LRRIQ1: variants seen among roughly 807,000 people sequenced by gnomAD.
The protein encoded by LRRIQ1 is leucine-rich repeat- and IQ domain-containing protein 1.
LRRIQ1 carries 210 observed loss-of-function variants against 211.9 expected under a neutral mutation model. That is an observed-to-expected ratio of 0.99 (90% confidence interval 0.89 to 1.11). The LOEUF is 1.11. Ranked by LOEUF, LRRIQ1 falls within the 50% of genes most tolerant of loss-of-function variation. The probability of loss-of-function intolerance (pLI) is 0.00; values close to 1 mark genes in which losing one functional copy is unlikely to be tolerated. For missense variants in LRRIQ1, 2,136 were observed against 1,939.5 expected, an observed-to-expected ratio of 1.10 and a Z score of -1.90; for synonymous variants, 699 against 650.1, an observed-to-expected ratio of 1.08 and a Z score of -1.14.
chr12:85,230,557 G>T (rs1280355686), intron 25 of LRRIQ1, among the ~76,000 whole-genome samples: 2 of 152,032 alleles, frequency 1.3e-5, no homozygotes, highest in Admixed American at 6.6e-5. Flanking sequence ...AGGTACTAGG[G>T]GTTAGAACTT....
At chr12:85,143,664 G>A (rs1291287965) in intron 19 of LRRIQ1, among the ~76,000 whole-genome samples, 1 of 151,138 alleles carries the variant, frequency 6.6e-6, no homozygotes. Flanking sequence ...TTCTTATTTT[G>A]TTATTCTATT....
intron 15 of LRRIQ1, among the ~76,000 whole-genome samples, chr12:85,120,426 A>T (rs1231663645): frequency 6.6e-6 from 1 of 152,204 alleles, no homozygotes; most frequent in African/African-American, 2.4e-5. Context: ...TGTCTCTACT[A>T]CTATAGCTTC....
intron 25 of LRRIQ1, among the ~76,000 whole-genome samples, chr12:85,231,881 G>A (rs997173973): frequency 1.3e-5 from 2 of 152,094 alleles, no homozygotes; most frequent in African/African-American, 4.8e-5. Flanking sequence ...ATTTCAACAT[G>A]AGTTTTGGTG....
intron 10 of LRRIQ1, among the ~76,000 whole-genome samples, chr12:85,071,702 G>T (rs1883100207): frequency 6.6e-6 from 1 of 152,016 alleles, no homozygotes; most frequent in African/African-American, 2.4e-5. Context: ...CCACACGGCT[G>T]GGGCCTCAAA....
chr12:85,248,917 T>C (rs1031993009), downstream of LRRIQ1, among the ~76,000 whole-genome samples: 1 of 151,700 alleles, frequency 6.6e-6, no homozygotes, highest in African/African-American at 2.4e-5. Flanking sequence ...AATATAAGGT[T>C]GGATGAAAGA....
At chr12:85,214,390 G>A (rs1281360742) in intron 24 of LRRIQ1, among the ~76,000 whole-genome samples, 1 of 152,014 alleles carries the variant, frequency 6.6e-6, no homozygotes, top group African/African-American at 2.4e-5. Context: ...TCCACAAATA[G>A]CCAATTACAC....
intron 24 of LRRIQ1, among the ~76,000 whole-genome samples, chr12:85,169,412 A>T (rs969922916): frequency 6.6e-6 from 1 of 152,178 alleles, no homozygotes; most frequent in Non-Finnish European, 1.5e-5. Flanking sequence ...ATAGCTCTTG[A>T]TATAATTAAG....
At chr12:85,196,965 T>A (rs1307581868) in intron 24 of LRRIQ1, among the ~76,000 whole-genome samples, 2 of 151,472 alleles carry the variant, frequency 1.3e-5, no homozygotes, top group African/African-American at 4.8e-5. Flanking sequence ...TACAATGAAC[T>A]CCAACAAATT....
chr12:85,230,123 G>A (rs771004221), intron 25 of LRRIQ1, among the ~76,000 whole-genome samples: 9 of 152,112 alleles, frequency 5.9e-5, no homozygotes, highest in East Asian at 3.9e-4. Context: ...AACTCATGGC[G>A]TACAGGTGAG....
chr12:85,057,341 A>G (rs1015969611), intron 8 of LRRIQ1, among the ~76,000 whole-genome samples, 157 bp downstream of exon 8: 1 of 152,024 alleles, frequency 6.6e-6, no homozygotes, highest in Non-Finnish European at 1.5e-5. Flanking sequence ...GGGAGGGGAT[A>G]TATCTCAACA....
chr12:85,047,982 TGGTGTTG>T, intron 6 of LRRIQ1: 2 of 151,880 alleles, frequency 1.3e-5, no homozygotes, highest in Non-Finnish European at 2.9e-5. Context: ...TATGTGTTGT[TGGTGTTG>T]TTTTCCCCCT....
intron 6 of LRRIQ1, among the ~76,000 whole-genome samples, chr12:85,051,960 C>A (rs571693141): frequency 6.6e-6 from 1 of 152,220 alleles, no homozygotes; most frequent in East Asian, 1.9e-4. Context: ...TCCTAGGTTG[C>A]AAACTTCTTT....
At chr12:85,221,897 T>C (rs1201165208) in intron 24 of LRRIQ1, among the ~76,000 whole-genome samples, 3 of 152,188 alleles carry the variant, frequency 2.0e-5, no homozygotes, top group Non-Finnish European at 2.9e-5. Flanking sequence ...TATGGAGATA[T>C]ATCTGTGGGA....
intron 20 of LRRIQ1, 111 bp downstream of exon 20, chr12:85,152,480 T>C: frequency 1.4e-6 from 1 of 720,192 alleles, no homozygotes; most frequent in Non-Finnish European, 2.1e-6. Flanking sequence ...CATAATTACT[T>C]TTAGAAGCCT....
At chr12:85,217,724 A>ATTTGTG (rs1565910279) in intron 24 of LRRIQ1, among the ~76,000 whole-genome samples, 2 of 111,584 alleles carry the variant, frequency 1.8e-5, no homozygotes, top group African/African-American at 1.8e-4. Flanking sequence ...ATATATGTAT[A>ATTTGTG]TATGTGTATA....
At chr12:85,145,485 G>A (rs1889828670) in intron 19 of LRRIQ1, among the ~76,000 whole-genome samples, 1 of 151,560 alleles carries the variant, frequency 6.6e-6, no homozygotes, top group Non-Finnish European at 1.5e-5. Flanking sequence ...AGAACTATGA[G>A]GGATCTGAGA....
rs113983810 is a variant in LRRIQ1, at chr12:85,075,695, A to G, written c.2887+2597A>G. ...GATTAGAATTCCACATGAGATCTGG[A>G]CAGGGACAAATATCCAAACTGTATC... is the stretch of plus-strand genomic sequence containing the variant. On this transcript the variant is annotated intron_variant, in intron 11 of 26. Coordinates refer to ENST00000393217, the MANE Select transcript of LRRIQ1 (RefSeq NM_001079910.2). Among the ~76,000 whole-genome samples the G allele has an allele frequency of 1.8e-3, 273 of 152,106 alleles. 2 individuals carry two copies. Among genetic ancestry groups the G allele is most frequent in the African/African-American group, 6.5e-3 (269 of 41,526 alleles).
intron 26 of LRRIQ1, among the ~76,000 whole-genome samples, chr12:85,242,494 C>T (rs548118667): frequency 6.6e-6 from 1 of 151,982 alleles, no homozygotes; most frequent in South Asian, 2.1e-4. Flanking sequence ...ATATAAGGGA[C>T]ATGAGCATCC....
chr12:85,114,749 C>T (rs2136375583), intron 15 of LRRIQ1, among the ~76,000 whole-genome samples: 2 of 152,212 alleles, frequency 1.3e-5, no homozygotes, highest in South Asian at 4.1e-4. Context: ...GTAATTCCCA[C>T]TTTAGAATGT....
Sources: allele counts gnomAD v4.1 joint callset (sites outside exome capture counted in the v4.1 genomes callset), GRCh38; gene constraint gnomAD v4.1.1; transcripts MANE v1.5; gene names NCBI Gene and HGNC (gene_info 2026-07-23, HGNC 2026-07-21).